The following APOD variants were observed in gnomAD, a reference collection of about 807,000 sequenced individuals.
APOD encodes the protein apolipoprotein D.
In APOD, 22 loss-of-function variants were observed where a neutral mutation model predicts 20.4. The observed-to-expected ratio is 1.08, with a 90% CI of 0.77 to 1.54. The LOEUF (loss-of-function observed/expected upper bound fraction) is 1.54. Among genes scored for constraint, APOD ranks in the 40% most tolerant of loss-of-function variants. APOD has a pLI of 0.00. For synonymous variants in APOD, 97 were observed against 92.4 expected (o/e 1.05, Z -0.29); for missense variants, 223 against 229.6 (o/e 0.97, Z 0.19).
At chr3:195,570,359 C>T (rs1429809927) in intron 4 of APOD, among the ~76,000 whole-genome samples, 1 of 152,188 alleles carries the variant, frequency 6.6e-6, no homozygotes, top group Non-Finnish European at 1.5e-5. Flanking sequence ...TTACAGTTTA[C>T]AGAGCGTGTG....
chr3:195,574,158 G>C (rs1430350896), intron 2 of APOD, among the ~76,000 whole-genome samples, 187 bp from the exon 3 acceptor site: 2 of 152,142 alleles, frequency 1.3e-5, no homozygotes, highest in South Asian at 2.1e-4. Context: ...GGATGTGCGG[G>C]CAGGGGGTGA....
chr3:195,573,916 C>T lies in APOD; in HGVS notation c.179G>A (p.Arg60His), dbSNP rs147313030. 9.9e-6 allele frequency: 16 copies of T among 1,614,062 alleles called. No homozygotes were observed. The African/African-American group carries it at 1.9e-4, about 19-fold the overall frequency. ...EKIPTTFENG[R>H]CIQANYSLME... ...TAGTGAGTAGTTGGCCTGGATGCAG[C>T]GTCCATTCTCAAAGGTTGTTGGGAT... is the stretch of plus-strand genomic sequence containing the variant. Residue 60 changes from arginine (R) to histidine (H), a missense_variant, in exon 3 of 5, where the codon CGC becomes CAC. Transcript: ENST00000343267.
intron 2 of APOD, among the ~76,000 whole-genome samples, chr3:195,575,887 A>G (rs1358319949): frequency 1.3e-5 from 2 of 152,124 alleles, no homozygotes; most frequent in African/African-American, 4.8e-5. Context: ...CGGCCTCCCA[A>G]AGTGCTGGGA....
intron 4 of APOD, 61 bp downstream of exon 4, chr3:195,571,216 G>A (rs745800521): frequency 7.7e-6 from 11 of 1,427,072 alleles, no homozygotes; most frequent in South Asian, 3.4e-5. Context: ...AAGCCGGGGC[G>A]CTAGCCTTCA....
intron 2 of APOD, among the ~76,000 whole-genome samples, chr3:195,574,196 C>T (rs1190170890): frequency 6.6e-6 from 1 of 152,060 alleles, no homozygotes; most frequent in Non-Finnish European, 1.5e-5. Flanking sequence ...CTTCTCAGGG[C>T]CCACTTCAGC....
intron 3 of APOD, among the ~76,000 whole-genome samples, chr3:195,573,526 T>C (rs1459041158): frequency 6.6e-6 from 1 of 152,244 alleles, no homozygotes; most frequent in African/African-American, 2.4e-5. Flanking sequence ...GATGCTTCTG[T>C]CAGCAGATGG....
rs1463789570 is a variant in APOD, at chr3:195,579,279, C to A, written c.123+60G>T. The A allele has an allele frequency of 3.1e-6, 5 of 1,603,628 alleles. No individual in the cohort carries two copies. The South Asian group carries it at 4.5e-5, about 14-fold the overall frequency. ...ATTAAAGCAGCATAATTACATTGAA[C>A]CTTGTAGAACGCTTATTCACAGCGG... is the stretch of plus-strand genomic sequence containing the variant. On this transcript the variant is annotated intron_variant, in intron 2 of 4. Transcript: ENST00000343267.
In APOD at chr3:195,568,833, G is replaced by GCGA; in HGVS notation, c.*66_*67insTCG. The GCGA allele has an allele frequency of 1.9e-6, 2 of 1,041,148 alleles. No homozygotes were observed. Among genetic ancestry groups the GCGA allele is most frequent in the Non-Finnish European group, 2.9e-6 (2 of 689,436 alleles). The allele number at this position is 1,041,148 out of a possible 1,614,324, so 64.5% of individuals were successfully genotyped here. A position where few individuals can be genotyped will look rare whatever the true frequency, so the allele number is the denominator to read the frequency against. ...CGTGGTTGATTGGTTTGTCTTTATG[G>GCGA]GGGGGGGGTAGGGGAAAGCGAAGCA... is the stretch of plus-strand genomic sequence containing the variant. On this transcript the variant is annotated 3_prime_UTR_variant, in exon 5 of 5. Transcript: ENST00000343267.
At chr3:195,581,731 A>C (rs1720342023) in intron 1 of APOD, among the ~76,000 whole-genome samples, 1 of 152,216 alleles carries the variant, frequency 6.6e-6, no homozygotes, top group Non-Finnish European at 1.5e-5. Flanking sequence ...ACTGCAACAA[A>C]AGTCAGTTCT....
In APOD at chr3:195,579,397, G is replaced by T; in HGVS notation, c.65C>A (p.Ala22Glu). The change falls in exon 2 of 5, where the codon GCA (alanine) becomes GAA (glutamate). Residue 22 changes from alanine (A) to glutamate (E), a missense_variant. By Grantham distance (107) the Ala-to-Glu change is moderately radical (BLOSUM62 -1). Transcript: ENST00000343267. Reference protein sequence around the residue: ...AGLFGAAEGQAFHLGKCPNPP... With the variant: ...AGLFGAAEGQEFHLGKCPNPP... ...ATTGGGGCACTTCCCAAGATGAAAT[G>T]CTTGTCCCTCTGCCGCACCGAAGAG... is the stretch of plus-strand genomic sequence containing the variant. 1 of 1,614,210 alleles carries T rather than the reference G, an allele frequency of 6.2e-7. No individual in the cohort carries two copies. Among genetic ancestry groups the T allele is most frequent in the Non-Finnish European group, 8.5e-7 (1 of 1,180,052 alleles).
rs1720299604 is a variant in APOD, at chr3:195,579,485, G to A, written c.-24C>T. Reference sequence around the variant, plus strand: ...ATCTTGGGGCTGGGTGGCTGGAGAAGGGACCTGGAGCTGCGGGAACGCAAA... The same window carrying A: ...ATCTTGGGGCTGGGTGGCTGGAGAAAGGACCTGGAGCTGCGGGAACGCAAA... On this transcript the variant is annotated 5_prime_UTR_variant, in exon 2 of 5. Coordinates refer to ENST00000343267, the MANE Select transcript of APOD (RefSeq NM_001647.4). The A allele has an allele frequency of 6.2e-7, 1 of 1,609,632 alleles. No homozygotes were observed. Among genetic ancestry groups the A allele is most frequent in the Non-Finnish European group, 8.5e-7 (1 of 1,179,914 alleles).
chr3:195,571,970 G>A (rs976616910), intron 3 of APOD, among the ~76,000 whole-genome samples: 1 of 152,050 alleles, frequency 6.6e-6, no homozygotes, highest in South Asian at 2.1e-4. Flanking sequence ...TAGTAGAGAC[G>A]GGGTTTCACC....
rs149533188 is a variant in APOD at position 195,569,043 on chromosome 3, C to A, written c.427G>T (p.Val143Leu). ...SCTCIIQLFHVDFAWILARNP... is the reference protein window; with the variant it reads ...SCTCIIQLFHLDFAWILARNP... ...CTTGCCAAGATCCAAGCAAAATCCA[C>A]GTGAAAAAGTTGGATGATGCAGGTA... Residue 143 changes from valine (V) to leucine (L), a missense_variant, in exon 5 of 5, where the codon GTG becomes TTG. By Grantham distance (32) the Val-to-Leu change is conservative (BLOSUM62 1). Transcript: ENST00000343267. 1.2e-6 allele frequency: 2 copies of A among 1,613,930 alleles called. No individual in the cohort carries two copies. The highest frequency in any genetic ancestry group is 1.7e-6 in the Non-Finnish European group (2 of 1,180,022).
chr3:195,570,397 C>T (rs1324695653), intron 4 of APOD, among the ~76,000 whole-genome samples: 5 of 152,180 alleles, frequency 3.3e-5, no homozygotes, highest in Admixed American at 2.0e-4. Flanking sequence ...CGACACTGGG[C>T]AGTTATTTCT....
intron 4 of APOD, among the ~76,000 whole-genome samples, chr3:195,570,413 GT>G (rs1335156747): frequency 6.6e-6 from 1 of 152,216 alleles, no homozygotes; most frequent in African/African-American, 2.4e-5. Context: ...TTTCTGGCTT[GT>G]ACATGTGAAG....
intron 2 of APOD, among the ~76,000 whole-genome samples, chr3:195,576,355 G>A (rs1720247362): frequency 6.6e-6 from 1 of 152,170 alleles, no homozygotes. Context: ...TCTCTGGTCA[G>A]TATTGAAAAA....
intron 3 of APOD, among the ~76,000 whole-genome samples, chr3:195,571,782 C>CTA (rs1720163937): frequency 6.9e-6 from 1 of 145,164 alleles, no homozygotes; most frequent in African/African-American, 2.5e-5. Context: ...AGAAGATTCA[C>CTA]TTTTTTTTTT....
Position 195,579,065 on chromosome 3 carries a change from G to A in APOD, c.123+274C>T, listed in dbSNP as rs553324936. On this transcript the variant is annotated intron_variant, in intron 2 of 4. Coordinates refer to ENST00000343267, the MANE Select transcript of APOD (RefSeq NM_001647.4). ...GGTGCCCAGTGTGACTGACCCTGAC[G>A]GCCCAGGGCGACAGCTCAGGAACGC... Among the ~76,000 whole-genome samples, 15 of 152,238 alleles carry A rather than the reference G, an allele frequency of 9.9e-5. No homozygotes were observed. In the East Asian group the frequency reaches 2.9e-3, roughly 29 times the overall value.
At chr3:195,583,613 G>C (rs1466490822) in intron 1 of APOD, among the ~76,000 whole-genome samples, 1 of 152,196 alleles carries the variant, frequency 6.6e-6, no homozygotes, top group Non-Finnish European at 1.5e-5. Flanking sequence ...AAAAGACGCT[G>C]GGATGAGTTC....
Sources: allele counts gnomAD v4.1 joint callset (sites outside exome capture counted in the v4.1 genomes callset), GRCh38; gene constraint gnomAD v4.1.1; transcripts MANE v1.5; gene names NCBI Gene and HGNC (gene_info 2026-07-23, HGNC 2026-07-21).